Variants in ERBB4 observed in about 807,000 individuals in gnomAD.
ERBB4 encodes the protein receptor tyrosine-protein kinase erbB-4.
ERBB4 carries 42 observed loss-of-function variants against 158.0 expected under a neutral mutation model. The ratio of observed to expected loss-of-function variants is 0.27; its 90% confidence interval spans 0.21 to 0.34. The LOEUF is 0.34. ERBB4 is among the 10% of genes least tolerant of loss of function. The probability of loss-of-function intolerance (pLI) is 1.00; values close to 1 mark genes in which losing one functional copy is unlikely to be tolerated. For missense variants in ERBB4, 1,333 were observed against 1,624.1 expected (o/e 0.82, Z 3.08); for synonymous variants, 583 against 558.7 (o/e 1.04, Z -0.61).
chr2:211,982,634 A>C (rs2081834591), intron 2 of ERBB4, among the ~76,000 whole-genome samples: 1 of 152,146 alleles, frequency 6.6e-6, no homozygotes, highest in South Asian at 2.1e-4. Flanking sequence ...CTTTCAATAG[A>C]ATGCAGTGTG....
At chr2:211,545,638 T>C (rs1053234936) in intron 20 of ERBB4, among the ~76,000 whole-genome samples, 1 of 152,090 alleles carries the variant, frequency 6.6e-6, no homozygotes, top group Non-Finnish European at 1.5e-5. Flanking sequence ...TTAAAGCTTG[T>C]GTACTACAAT....
At chr2:211,647,537 T>C (rs1574919490) in intron 16 of ERBB4, among the ~76,000 whole-genome samples, 2 of 151,824 alleles carry the variant, frequency 1.3e-5, no homozygotes, top group Admixed American at 1.3e-4. Flanking sequence ...TCTCAGTTAA[T>C]GTTACCCCCA....
chr2:211,785,525 T>C (rs2076140161), intron 4 of ERBB4, among the ~76,000 whole-genome samples: 1 of 152,168 alleles, frequency 6.6e-6, no homozygotes, highest in Non-Finnish European at 1.5e-5. Context: ...CCCCCTATAT[T>C]TTCTGCCAAG....
At chr2:211,714,599 C>A (rs746029145) in intron 7 of ERBB4, among the ~76,000 whole-genome samples, 18 of 152,286 alleles carry the variant, frequency 1.2e-4, no homozygotes, top group African/African-American at 4.3e-4. Context: ...AAAATCACAA[C>A]AGAGACTTCT....
chr2:211,674,793 T>G (rs2071989783), intron 13 of ERBB4, among the ~76,000 whole-genome samples: 1 of 152,180 alleles, frequency 6.6e-6, no homozygotes, highest in Admixed American at 6.5e-5. Flanking sequence ...CTTGAGATTA[T>G]CCACTGGTTT....
intron 4 of ERBB4, among the ~76,000 whole-genome samples, chr2:211,765,000 T>C (rs1404230644): frequency 6.6e-6 from 1 of 152,212 alleles, no homozygotes; most frequent in Non-Finnish European, 1.5e-5. Context: ...ATGTGTGTGA[T>C]AAATGAGCGG....
chr2:212,062,721 A>G (rs2077819188), intron 2 of ERBB4, among the ~76,000 whole-genome samples: 1 of 152,110 alleles, frequency 6.6e-6, no homozygotes, highest in Non-Finnish European at 1.5e-5. Flanking sequence ...TCTTTAAAAC[A>G]GAAAATTCAG....
chr2:212,203,182 G>A (rs2082638943), intron 1 of ERBB4, among the ~76,000 whole-genome samples: 1 of 152,088 alleles, frequency 6.6e-6, no homozygotes, highest in Non-Finnish European at 1.5e-5. Context: ...ACAAATGGGA[G>A]AAGAGATACA....
chr2:212,143,546 GA>G (rs2125610500), intron 1 of ERBB4, among the ~76,000 whole-genome samples: 1 of 152,148 alleles, frequency 6.6e-6, no homozygotes, highest in Non-Finnish European at 1.5e-5. Flanking sequence ...GAAATTCCCA[GA>G]AATACTAGAT....
At chr2:211,642,161 A>G (rs2070619787) in intron 16 of ERBB4, among the ~76,000 whole-genome samples, 2 of 152,080 alleles carry the variant, frequency 1.3e-5, no homozygotes, top group Admixed American at 1.3e-4. Flanking sequence ...TGATCATTTT[A>G]TTTCCATTCT....
chr2:212,493,046 G>A (rs965091624), intron 1 of ERBB4, among the ~76,000 whole-genome samples: 9 of 151,304 alleles, frequency 5.9e-5, no homozygotes, highest in African/African-American at 1.2e-4. Context: ...TTCAGTGAAC[G>A]TATGGTGTTA....
intron 7 of ERBB4, 114 bp from the exon 8 acceptor site, chr2:211,713,762 T>C: frequency 1.4e-6 from 1 of 692,962 alleles, no homozygotes; most frequent in Non-Finnish European, 2.6e-6. Context: ...ATAGTGTTTA[T>C]GTATCTTACC....
In ERBB4 at chr2:212,277,644, C is replaced by A. The variant is rs138500273; in HGVS notation, c.83-152741G>T. Among the ~76,000 whole-genome samples, 1,178 of 151,798 alleles carry A rather than the reference C, an allele frequency of 7.8e-3. 12 individuals carry two copies. Among genetic ancestry groups the A allele is most frequent in the Middle Eastern group, 0.017 (5 of 292 alleles). ...AAGACCACAAAGTGTCCCCTGGCCACCTCATCAAAAAGACTTACCACTGTA... is the reference window on the plus strand; with the variant it reads ...AAGACCACAAAGTGTCCCCTGGCCAACTCATCAAAAAGACTTACCACTGTA... On this transcript the variant is annotated intron_variant, in intron 1 of 27. Transcript: ENST00000342788.
At chr2:211,940,592 T>C (rs2080466479) in intron 3 of ERBB4, among the ~76,000 whole-genome samples, 1 of 152,114 alleles carries the variant, frequency 6.6e-6, no homozygotes, top group African/African-American at 2.4e-5. Context: ...AAGGATGCTC[T>C]AGGGATTAAA....
At chr2:212,496,422 ATAT>A (rs900093164) in intron 1 of ERBB4, among the ~76,000 whole-genome samples, 4 of 152,142 alleles carry the variant, frequency 2.6e-5, no homozygotes, top group Non-Finnish European at 4.4e-5. Context: ...TTACTTGCAA[ATAT>A]TATTGTTGCT....
At chr2:212,139,824 C>A (rs1159556392) in intron 1 of ERBB4, among the ~76,000 whole-genome samples, 21 of 151,932 alleles carry the variant, frequency 1.4e-4, no homozygotes, top group Non-Finnish European at 2.9e-5. Flanking sequence ...CAGCACGAAT[C>A]TGATCAATTT....
At chr2:212,143,179 T>C (rs1025614502) in intron 1 of ERBB4, among the ~76,000 whole-genome samples, 2 of 152,142 alleles carry the variant, frequency 1.3e-5, no homozygotes, top group Non-Finnish European at 2.9e-5. Context: ...CTTTTTGTAA[T>C]GGAAAAATCA....
At chr2:211,627,397 G>A (rs1380768388) in intron 17 of ERBB4, among the ~76,000 whole-genome samples, 1 of 152,212 alleles carries the variant, frequency 6.6e-6, no homozygotes, top group African/African-American at 2.4e-5. Flanking sequence ...TCCCATGTAT[G>A]TAATTGACTA....
intron 1 of ERBB4, among the ~76,000 whole-genome samples, chr2:212,295,827 T>C (rs1191254405): frequency 6.6e-6 from 1 of 152,032 alleles, no homozygotes; most frequent in Admixed American, 6.6e-5. Flanking sequence ...GATTTAAATG[T>C]TGTATGCATG....
Sources: allele counts gnomAD v4.1 joint callset (sites outside exome capture counted in the v4.1 genomes callset), GRCh38; gene constraint gnomAD v4.1.1; transcripts MANE v1.5; gene names NCBI Gene and HGNC (gene_info 2026-07-23, HGNC 2026-07-21).